Variants in KCNQ1 observed in about 807,000 individuals in gnomAD.
The protein encoded by KCNQ1 is potassium voltage-gated channel subfamily KQT member 1.
In KCNQ1, 49 loss-of-function variants were observed where a neutral mutation model predicts 72.4. That is an observed-to-expected ratio of 0.68 (90% CI 0.54 to 0.86). The LOEUF is 0.86. Among genes scored for constraint, KCNQ1 ranks in the 40% least tolerant of loss-of-function variants. KCNQ1 has a pLI of 0.00. For missense variants in KCNQ1, 790 were observed against 945.1 expected (o/e 0.84, Z 2.15); for synonymous variants, 450 against 412.6 (o/e 1.09, Z -1.10).
rs1265252953 is a variant in KCNQ1, at chr11:2,492,445, C to A, written c.387-35483C>A. On this transcript the variant is annotated intron_variant, in intron 1 of 15. Coordinates refer to ENST00000155840, the MANE Select transcript of KCNQ1 (RefSeq NM_000218.3). This position sits in a 1 kb window ranked among gnomAD's most constrained non-coding sequence, Gnocchi z 4.1. ...TGCCATGGTGGTTTGCTGCACCTATCAACCCATCATCTAGGTTTTAAGCCC... is the reference window on the plus strand; with the variant it reads ...TGCCATGGTGGTTTGCTGCACCTATAAACCCATCATCTAGGTTTTAAGCCC... Among the ~76,000 whole-genome samples the A allele has an allele frequency of 6.6e-6, 1 of 152,160 alleles. No individual in the cohort carries two copies. The highest frequency in any genetic ancestry group is 1.5e-5 in the Non-Finnish European group (1 of 68,028).
rs957538739 is a variant in KCNQ1 at position 2,828,512 on chromosome 11, A to G, written c.1795-19255A>G. ...ACTGGCCTAGGAGACTGGAGAGGGT[A>G]GACACCAAGCCCTGCAGGAAGAAGA... On this transcript the variant is annotated intron_variant, in intron 15 of 15. Coordinates refer to ENST00000155840, the MANE Select transcript of KCNQ1 (RefSeq NM_000218.3). This position sits in a 1 kb window ranked among gnomAD's most constrained non-coding sequence, Gnocchi z 5.3. 6.6e-6 allele frequency among the ~76,000 whole-genome samples: 1 copy of G among 152,192 alleles called. No individual in the cohort carries two copies. Among genetic ancestry groups the G allele is most frequent in the African/African-American group, 2.4e-5 (1 of 41,450 alleles).
In KCNQ1 at chr11:2,762,295, A is replaced by C. The variant is rs144082383; in HGVS notation, c.1515-6549A>C. Among the ~76,000 whole-genome samples, 856 of 152,258 alleles carry C rather than the reference A, an allele frequency of 5.6e-3. 7 individuals carry two copies. The highest frequency in any genetic ancestry group is 0.02 in the African/African-American group (813 of 41,550). On this transcript the variant is annotated intron_variant, in intron 11 of 15. Transcript: ENST00000155840. The surrounding 1 kb of genome is among the most constrained non-coding windows in gnomAD (Gnocchi z 4.3). ...CTTTAAAGACGTCTTTGCCCATCCC[A>C]GGTCGTGAAAATATTATCCAACTTT...
rs1455634997 is a variant in KCNQ1, at chr11:2,738,949, C to T, written c.1515-29895C>T. On this transcript the variant is annotated intron_variant, in intron 11 of 15. Coordinates refer to ENST00000155840, the MANE Select transcript of KCNQ1 (RefSeq NM_000218.3). ...TGAGCGAGGTGCAGGCTGTCACTCA[C>T]CAGCAGGGTTGGGGCTTGGGGGGAC... Among the ~76,000 whole-genome samples, 4 of 152,222 alleles carry T rather than the reference C, an allele frequency of 2.6e-5. No individual in the cohort carries two copies. In the East Asian group the frequency reaches 7.7e-4, roughly 29 times the overall value.
In KCNQ1 at chr11:2,507,823, T is replaced by C. The variant is rs1847129228; in HGVS notation, c.387-20105T>C. On this transcript the variant is annotated intron_variant, in intron 1 of 15. Transcript: ENST00000155840. This position sits in a 1 kb window ranked among gnomAD's most constrained non-coding sequence, Gnocchi z 5.4. ...GGCAAGGGCCAAGTGATGGCAGCTG[T>C]GGAGGCTGAGGGCAAGGAAGGCAAG... 6.6e-6 allele frequency among the ~76,000 whole-genome samples: 1 copy of C among 151,986 alleles called. No individual in the cohort carries two copies. Among genetic ancestry groups the C allele is most frequent in the Admixed American group, 6.6e-5 (1 of 15,258 alleles).
At chr11:2,520,309 G>T (rs1203405195) in intron 1 of KCNQ1, among the ~76,000 whole-genome samples, 1 of 152,226 alleles carries the variant, frequency 6.6e-6, no homozygotes, top group African/African-American at 2.4e-5. Flanking sequence ...TCCACATGGG[G>T]TTCAGAGCGG....
chr11:2,617,257 C>A lies in KCNQ1; in HGVS notation c.1393+28403C>A. The A allele has an allele frequency of 2.5e-6, 1 of 398,420 alleles. No homozygotes were observed. Among genetic ancestry groups the A allele is most frequent in the Non-Finnish European group, 4.4e-6 (1 of 225,948 alleles). 24.7% of individuals were successfully genotyped at this position (398,420 alleles called of 1,614,324 possible). A position where few individuals can be genotyped will look rare whatever the true frequency, so the allele number is the denominator to read the frequency against. On this transcript the variant is annotated intron_variant, in intron 10 of 15. Transcript: ENST00000155840. The surrounding 1 kb of genome is among the most constrained non-coding windows in gnomAD (Gnocchi z 4.6). ...CCCCACACCTTGCCCATGGTAACCA[C>A]TAGTTTATTCTATCTCTGTATATTT...
chr11:2,679,373 TAGTCTC>T lies in KCNQ1; in HGVS notation c.1514+17296_1514+17301del. 1 of 398,648 alleles carries T rather than the reference TAGTCTC, an allele frequency of 2.5e-6. No homozygotes were observed. 24.7% of individuals were successfully genotyped at this position (398,648 alleles called of 1,614,324 possible). The stretch of plus-strand genomic sequence containing the variant: ...CCTGCTACACCTTGAGTGAGTCACT[TAGTCTC>T]AGTTTCTTTATTTGTAAAATGGGAA... On this transcript the variant is annotated intron_variant, in intron 11 of 15. Coordinates refer to ENST00000155840, the MANE Select transcript of KCNQ1 (RefSeq NM_000218.3). This position sits in a 1 kb window ranked among gnomAD's most constrained non-coding sequence, Gnocchi z 4.8.
rs1338053727 is a variant in KCNQ1, at chr11:2,817,719, C to G, written c.1795-30048C>G. The stretch of plus-strand genomic sequence containing the variant: ...GAGGCCCCCTTCTCACAGGGGCCTA[C>G]CCACTTACGACCCACCTCCTCTCCT... On this transcript the variant is annotated intron_variant, in intron 15 of 15. Coordinates refer to ENST00000155840, the MANE Select transcript of KCNQ1 (RefSeq NM_000218.3). This position sits in a 1 kb window ranked among gnomAD's most constrained non-coding sequence, Gnocchi z 6.1. Among the ~76,000 whole-genome samples the G allele has an allele frequency of 6.6e-6, 1 of 152,094 alleles. No homozygotes were observed. The highest frequency in any genetic ancestry group is 2.4e-5 in the African/African-American group (1 of 41,392).
At position 2,671,131 on chromosome 11, in the gene KCNQ1, G is replaced by A; in HGVS notation, c.1514+9050G>A. 2 of 398,596 alleles carry A rather than the reference G, an allele frequency of 5.0e-6. No individual in the cohort carries two copies. Among genetic ancestry groups the A allele is most frequent in the Non-Finnish European group, 8.8e-6 (2 of 226,100 alleles). The allele number at this position is 398,596 out of a possible 1,614,324, so 24.7% of individuals were successfully genotyped here. A position where few individuals can be genotyped will look rare whatever the true frequency, so the allele number is the denominator to read the frequency against. ...GCAGTTAGTCTGTCAGGCCTGGTTG[G>A]TCCCATGGGAGGCCTGAGGTGCCAT... is the stretch of plus-strand genomic sequence containing the variant. On this transcript the variant is annotated intron_variant, in intron 11 of 15. Coordinates refer to ENST00000155840, the MANE Select transcript of KCNQ1 (RefSeq NM_000218.3). The surrounding 1 kb of genome is among the most constrained non-coding windows in gnomAD (Gnocchi z 4.7).
rs1564880404 is a variant in KCNQ1 at position 2,748,713 on chromosome 11, C to CTG, written c.1515-20131_1515-20130insTG. On this transcript the variant is annotated intron_variant, in intron 11 of 15. Coordinates refer to ENST00000155840, the MANE Select transcript of KCNQ1 (RefSeq NM_000218.3). This position sits in a 1 kb window ranked among gnomAD's most constrained non-coding sequence, Gnocchi z 6.2. ...CTTCGGGTCCAGCCAGCTGCTGCTG[C>CTG]CCCTCCCTCTGGGCCTCAAGACCAT... Among the ~76,000 whole-genome samples, 3 of 152,194 alleles carry CTG rather than the reference C, an allele frequency of 2.0e-5. No individual in the cohort carries two copies. Among genetic ancestry groups the CTG allele is most frequent in the African/African-American group, 4.8e-5 (2 of 41,454 alleles).
chr11:2,549,942 A>G lies in KCNQ1; in HGVS notation c.478-20686A>G, dbSNP rs1024762159. ...CCCCGCCACCCAGCGCGAGCCGCGT[A>G]GAGGAGCAGGAAGGGAGCCAGCTCC... On this transcript the variant is annotated intron_variant, in intron 2 of 15. Coordinates refer to ENST00000155840, the MANE Select transcript of KCNQ1 (RefSeq NM_000218.3). The surrounding 1 kb of genome is among the most constrained non-coding windows in gnomAD (Gnocchi z 6.2). 2.0e-5 allele frequency among the ~76,000 whole-genome samples: 3 copies of G among 152,176 alleles called. No homozygotes were observed. The highest frequency in any genetic ancestry group is 2.9e-5 in the Non-Finnish European group (2 of 68,016).
intron 10 of KCNQ1, chr11:2,625,198 G>A: frequency 2.5e-6 from 1 of 398,576 alleles, no homozygotes; most frequent in Non-Finnish European, 4.4e-6. Context: ...CCCACTAACA[G>A]TGCACAAGGA....
rs756077370 is a variant in KCNQ1, at chr11:2,492,677, T to C, written c.387-35251T>C. Among the ~76,000 whole-genome samples the C allele has an allele frequency of 1.3e-5, 2 of 152,200 alleles. No homozygotes were observed. The highest frequency in any genetic ancestry group is 2.4e-5 in the African/African-American group (1 of 41,452). ...TCCAGCTTCATCCCCACAAAAGACA[T>C]GAACTCATTCTTTTTTTATGGCTGC... On this transcript the variant is annotated intron_variant, in intron 1 of 15. Coordinates refer to ENST00000155840, the MANE Select transcript of KCNQ1 (RefSeq NM_000218.3). This position sits in a 1 kb window ranked among gnomAD's most constrained non-coding sequence, Gnocchi z 4.1.
rs905709313 is a variant in KCNQ1 at position 2,676,002 on chromosome 11, C to A, written c.1514+13921C>A. 7.5e-6 allele frequency: 3 copies of A among 398,526 alleles called. No individual in the cohort carries two copies. Among genetic ancestry groups the A allele is most frequent in the African/African-American group, 6.2e-5 (3 of 48,626 alleles). The allele number at this position is 398,526 out of a possible 1,614,324, so 24.7% of individuals were successfully genotyped here. A position where few individuals can be genotyped will look rare whatever the true frequency, so the allele number is the denominator to read the frequency against. ...CACTCTCCCCACCCAACCCTAATTC[C>A]CAAGTTTCCTTCCCTAAAGGTTACC... On this transcript the variant is annotated intron_variant, in intron 11 of 15. Coordinates refer to ENST00000155840, the MANE Select transcript of KCNQ1 (RefSeq NM_000218.3). This position sits in a 1 kb window ranked among gnomAD's most constrained non-coding sequence, Gnocchi z 4.2.
intron 11 of KCNQ1, among the ~76,000 whole-genome samples, chr11:2,749,940 A>G (rs1846199322): frequency 6.7e-6 from 1 of 149,496 alleles, no homozygotes; most frequent in Non-Finnish European, 1.5e-5. Context: ...AGCCTGGGCA[A>G]CAGAGTGAGA....
Position 2,670,423 on chromosome 11 carries a change from T to C in KCNQ1, c.1514+8342T>C. The C allele has an allele frequency of 2.5e-6, 1 of 397,864 alleles. No individual in the cohort carries two copies. The highest frequency in any genetic ancestry group is 4.4e-6 in the Non-Finnish European group (1 of 225,924). 24.6% of individuals were successfully genotyped at this position (397,864 alleles called of 1,614,324 possible). On this transcript the variant is annotated intron_variant, in intron 11 of 15. Transcript: ENST00000155840. The surrounding 1 kb of genome is among the most constrained non-coding windows in gnomAD (Gnocchi z 4.9). ...ACTATGTGTATTTCTTGTGTTGGGG[T>C]TAGGAGATACTGCTGTTGGCTGAGA... is the stretch of plus-strand genomic sequence containing the variant.
rs543044045 is a variant in KCNQ1 at position 2,549,200 on chromosome 11, C to T, written c.477+21182C>T. ...ACCATGTGGCTTTAGGTCCCCAGCA[C>T]GTGCTAGTGGCCATCAGCAGGCTAC... On this transcript the variant is annotated intron_variant, in intron 2 of 15. Transcript: ENST00000155840. This position sits in a 1 kb window ranked among gnomAD's most constrained non-coding sequence, Gnocchi z 6.2. 7.9e-5 allele frequency among the ~76,000 whole-genome samples: 12 copies of T among 152,278 alleles called. No individual in the cohort carries two copies. Among genetic ancestry groups the T allele is most frequent in the South Asian group, 2.1e-4 (1 of 4,822 alleles).
intron 1 of KCNQ1, among the ~76,000 whole-genome samples, chr11:2,523,353 A>G (rs1847425932): frequency 6.6e-6 from 1 of 151,946 alleles, no homozygotes; most frequent in East Asian, 1.9e-4. Context: ...ACCACCACCC[A>G]CGCCCAGTTA....
rs1319871568 is a variant in KCNQ1 at position 2,482,806 on chromosome 11, C to T, written c.386+37322C>T. Among the ~76,000 whole-genome samples, 4 of 152,160 alleles carry T rather than the reference C, an allele frequency of 2.6e-5. No homozygotes were observed. Among genetic ancestry groups the T allele is most frequent in the Non-Finnish European group, 5.9e-5 (4 of 68,040 alleles). ...TTTAGCCACCCATTCACTGGCCCAC[C>T]TGCCCCTGGTGCACCTGCAGCAGCA... On this transcript the variant is annotated intron_variant, in intron 1 of 15. Coordinates refer to ENST00000155840, the MANE Select transcript of KCNQ1 (RefSeq NM_000218.3). This position sits in a 1 kb window ranked among gnomAD's most constrained non-coding sequence, Gnocchi z 5.7.
Sources: allele counts gnomAD v4.1 joint callset (sites outside exome capture counted in the v4.1 genomes callset), GRCh38; gene constraint gnomAD v4.1.1; non-coding constraint Gnocchi (gnomAD v3.1); transcripts MANE v1.5; gene names NCBI Gene and HGNC (gene_info 2026-07-23, HGNC 2026-07-21).